ARHGAP20: variants seen among roughly 807,000 people sequenced by gnomAD.
The protein encoded by ARHGAP20 is Rho GTPase activating protein 20, also known as rho GTPase-activating protein 20.
Under a neutral mutation model 73.7 loss-of-function variants are expected in ARHGAP20, and 34 were observed. The observed-to-expected ratio is 0.46, with a 90% CI of 0.35 to 0.61. The LOEUF (loss-of-function observed/expected upper bound fraction) is 0.61. ARHGAP20 is among the 20% of genes least tolerant of loss of function. The probability of loss-of-function intolerance (pLI) is 0.00; values close to 1 mark genes in which losing one functional copy is unlikely to be tolerated. For missense variants in ARHGAP20, 1,314 were observed against 1,420.9 expected (o/e 0.92, Z 1.21); for synonymous variants, 523 against 518.2 (o/e 1.01, Z -0.13).
chr11:110,638,223 T>C (rs1026429359), intron 2 of ARHGAP20, among the ~76,000 whole-genome samples: 1 of 152,022 alleles, frequency 6.6e-6, no homozygotes, highest in African/African-American at 2.4e-5. Flanking sequence ...AAAAATTGCA[T>C]TCAGGCTATG....
intron 4 of ARHGAP20, among the ~76,000 whole-genome samples, chr11:110,617,423 T>C (rs1948508564): frequency 6.6e-6 from 1 of 151,894 alleles, no homozygotes; most frequent in Non-Finnish European, 1.5e-5. Flanking sequence ...CCACCACGCC[T>C]GGCTAATTTT....
chr11:110,658,754 T>C (rs1337860377), intron 2 of ARHGAP20, among the ~76,000 whole-genome samples: 1 of 151,498 alleles, frequency 6.6e-6, no homozygotes, highest in Non-Finnish European at 1.5e-5. Context: ...TCCTCCAGCA[T>C]CCAAGTACTC....
chr11:110,690,647 C>T lies in ARHGAP20; in HGVS notation c.106-18G>A, dbSNP rs750155363. ...TTCATTTTCTGTTGATGAAACAAAC[C>T]AAAATGAAGACCACATGGCTTGTAA... On this transcript the variant is annotated intron_variant, in intron 1 of 14. Coordinates refer to ENST00000683387, the MANE Select transcript of ARHGAP20 (RefSeq NM_001384657.1). 24 of 1,608,790 alleles carry T rather than the reference C, an allele frequency of 1.5e-5. No homozygotes were observed. The African/African-American group carries it at 2.3e-4, about 15-fold the overall frequency.
intron 1 of ARHGAP20, among the ~76,000 whole-genome samples, chr11:110,694,992 TAGAC>T (rs1950309378): frequency 6.6e-6 from 1 of 151,646 alleles, no homozygotes. Flanking sequence ...GAACTAGACA[TAGAC>T]AGCAAGAGTA....
At chr11:110,705,397 C>T (rs985326241) in intron 1 of ARHGAP20, among the ~76,000 whole-genome samples, 4 of 152,154 alleles carry the variant, frequency 2.6e-5, no homozygotes, top group African/African-American at 4.8e-5. Flanking sequence ...TGACAATCTT[C>T]ACCTTAGAAC....
At chr11:110,611,410 T>G (rs1442406220) in intron 6 of ARHGAP20, 24 bp from the exon 7 acceptor site, 16 of 1,224,408 alleles carry the variant, frequency 1.3e-5, no homozygotes, top group Non-Finnish European at 1.7e-5. Flanking sequence ...ATAAGAAATA[T>G]AGCTATAAAA....
At chr11:110,630,052 A>T (rs1948827656) in intron 3 of ARHGAP20, among the ~76,000 whole-genome samples, 2 of 152,168 alleles carry the variant, frequency 1.3e-5, no homozygotes, top group Admixed American at 1.3e-4. Context: ...ATCTTAATTC[A>T]TCTTACTCTC....
chr11:110,628,951 C>T (rs1195129604), intron 3 of ARHGAP20, among the ~76,000 whole-genome samples: 3 of 152,020 alleles, frequency 2.0e-5, no homozygotes, highest in Non-Finnish European at 4.4e-5. Context: ...AACTTACATG[C>T]TAACAGTATA....
chr11:110,693,060 C>G (rs1950273413), intron 1 of ARHGAP20, among the ~76,000 whole-genome samples: 1 of 151,926 alleles, frequency 6.6e-6, no homozygotes, highest in African/African-American at 2.4e-5. Context: ...AGAAGGGTGA[C>G]AAATTTTGTT....
intron 1 of ARHGAP20, among the ~76,000 whole-genome samples, chr11:110,702,971 T>C (rs901468729): frequency 7.9e-5 from 12 of 152,166 alleles, no homozygotes; most frequent in African/African-American, 7.2e-5. Context: ...AAGGTAATTA[T>C]AGATTCAATG....
At chr11:110,616,140 T>C (rs1032555332) in intron 4 of ARHGAP20, among the ~76,000 whole-genome samples, 2 of 147,740 alleles carry the variant, frequency 1.4e-5, no homozygotes, top group Non-Finnish European at 3.0e-5. Flanking sequence ...AGTTTGTTGT[T>C]AGGAAAAGAA....
chr11:110,628,675 T>TA (rs1382111243), intron 3 of ARHGAP20, among the ~76,000 whole-genome samples: 5 of 152,316 alleles, frequency 3.3e-5, no homozygotes, highest in Non-Finnish European at 7.4e-5. Flanking sequence ...TTGAACCTCT[T>TA]AAATAACAGC....
chr11:110,676,040 T>C (rs554763186), intron 2 of ARHGAP20, among the ~76,000 whole-genome samples: 1 of 152,280 alleles, frequency 6.6e-6, no homozygotes, highest in South Asian at 2.1e-4. Context: ...AGCTGAGACG[T>C]TGAAAATAAA....
At chr11:110,627,986 C>T (rs1169025435) in intron 3 of ARHGAP20, among the ~76,000 whole-genome samples, 2 of 152,298 alleles carry the variant, frequency 1.3e-5, no homozygotes, top group Non-Finnish European at 1.5e-5. Context: ...AAACAATTTT[C>T]AGCAAACATT....
At chr11:110,644,036 G>C (rs1949131852) in intron 2 of ARHGAP20, among the ~76,000 whole-genome samples, 1 of 152,002 alleles carries the variant, frequency 6.6e-6, no homozygotes, top group African/African-American at 2.4e-5. Context: ...TGAGAGATAA[G>C]TCAAGAATGC....
chr11:110,701,159 C>T (rs555699628), intron 1 of ARHGAP20, among the ~76,000 whole-genome samples: 2,179 of 151,628 alleles, frequency 0.014, 59 homozygotes, highest in African/African-American at 0.048. Flanking sequence ...CCTGAGGAAT[C>T]GCCACACTGA....
intron 4 of ARHGAP20, among the ~76,000 whole-genome samples, chr11:110,617,950 G>A (rs1429957540): frequency 6.6e-6 from 1 of 152,162 alleles, no homozygotes; most frequent in Non-Finnish European, 1.5e-5. Context: ...TCATCACTGA[G>A]AGTGAGCCGG....
chr11:110,691,680 C>T (rs1297575534), intron 1 of ARHGAP20, among the ~76,000 whole-genome samples: 2 of 152,226 alleles, frequency 1.3e-5, no homozygotes, highest in Admixed American at 6.5e-5. Flanking sequence ...GGATGCTAGA[C>T]TTCTTTGGCA....
chr11:110,586,183 A>C, intron 12 of ARHGAP20, 33 bp downstream of exon 12: 3 of 1,156,290 alleles, frequency 2.6e-6, no homozygotes, highest in Non-Finnish European at 3.5e-6. Flanking sequence ...TTTTTAAAGT[A>C]TTTTTGAGAC....
Sources: gnomAD v4.1 joint callset for allele counts (sites outside exome capture counted in the v4.1 genomes callset) on GRCh38, gnomAD v4.1.1 for gene constraint, MANE v1.5 for transcripts, NCBI Gene and HGNC (gene_info 2026-07-23, HGNC 2026-07-21) for gene names.